Variants in CTNNA3 observed in about 807,000 individuals in gnomAD.
CTNNA3 encodes catenin alpha-3.
A neutral mutation model predicts 95.7 loss-of-function variants in CTNNA3; 76 were observed. That is an observed-to-expected ratio of 0.79 (90% CI 0.66 to 0.96). The LOEUF (loss-of-function observed/expected upper bound fraction) is 0.96. Among genes scored for constraint, CTNNA3 ranks in the 40% least tolerant of loss-of-function variants. The pLI is 0.00. For synonymous variants in CTNNA3, 431 were observed against 374.4 expected (o/e 1.15, Z -1.74); for missense variants, 1,191 against 1,089.8 (o/e 1.09, Z -1.31).
chr10:66,166,658 T>C (rs1470234722), intron 13 of CTNNA3, among the ~76,000 whole-genome samples: 1 of 152,132 alleles, frequency 6.6e-6, no homozygotes. Flanking sequence ...TTTTCGAAGT[T>C]TGCATCTCAT....
intron 7 of CTNNA3, among the ~76,000 whole-genome samples, chr10:66,943,920 C>A (rs1389553405): frequency 6.6e-6 from 1 of 152,170 alleles, no homozygotes; most frequent in Non-Finnish European, 1.5e-5. Flanking sequence ...TGCTCATGAT[C>A]ATCTGATCCT....
chr10:67,742,931 A>G (rs1478378382), intron 1 of CTNNA3, among the ~76,000 whole-genome samples: 3 of 151,420 alleles, frequency 2.0e-5, no homozygotes, highest in African/African-American at 7.3e-5. Flanking sequence ...CTACGCATAT[A>G]TCCTCCCAAG....
At chr10:67,673,664 T>G (rs1480813008) in intron 1 of CTNNA3, among the ~76,000 whole-genome samples, 1 of 149,624 alleles carries the variant, frequency 6.7e-6, no homozygotes, top group Non-Finnish European at 1.5e-5. Flanking sequence ...GGATTACATT[T>G]ATTGATTTGC....
At chr10:66,229,684 A>C (rs2089490673) in intron 13 of CTNNA3, among the ~76,000 whole-genome samples, 1 of 151,952 alleles carries the variant, frequency 6.6e-6, no homozygotes. Context: ...ATTTCAGTAT[A>C]GTTTGCCTCA....
At chr10:67,688,879 A>G (rs1840787246) in intron 1 of CTNNA3, among the ~76,000 whole-genome samples, 1 of 152,178 alleles carries the variant, frequency 6.6e-6, no homozygotes. Context: ...CCTGCTGATC[A>G]GAATAGTTGT....
chr10:67,210,677 G>A (rs775677591), intron 6 of CTNNA3, among the ~76,000 whole-genome samples: 39 of 151,278 alleles, frequency 2.6e-4, no homozygotes, highest in Admixed American at 7.9e-4. Flanking sequence ...AAAGATATGC[G>A]TCCTCTGTTG....
rs2087251667 is a variant in CTNNA3 at position 66,199,799 on chromosome 10, A to ATG, written c.1884+80670_1884+80671insCA. Among the ~76,000 whole-genome samples, 29 of 13,834 alleles carry ATG rather than the reference A, an allele frequency of 2.1e-3. 2 individuals carry two copies. The highest frequency in any genetic ancestry group is 2.5e-3 in the Non-Finnish European group (20 of 7,932). 9.1% of individuals were successfully genotyped at this position (13,834 alleles called of 152,430 possible). ...TATATATATATATATATATATATAT[A>ATG]TATATATTTTTTTTTTTTTTTTTTT... On this transcript the variant is annotated intron_variant, in intron 13 of 17. Coordinates refer to ENST00000433211, the MANE Select transcript of CTNNA3 (RefSeq NM_013266.4).
At chr10:66,849,979 A>G (rs978479392) in intron 7 of CTNNA3, among the ~76,000 whole-genome samples, 1 of 85,072 alleles carries the variant, frequency 1.2e-5, no homozygotes, top group Non-Finnish European at 2.6e-5. Context: ...ATATGAGAGC[A>G]TGTTTTTTTG....
intron 17 of CTNNA3, among the ~76,000 whole-genome samples, chr10:65,959,713 C>T (rs2077803486): frequency 6.6e-6 from 1 of 152,026 alleles, no homozygotes; most frequent in African/African-American, 2.4e-5. Flanking sequence ...ATGGGATTTG[C>T]CATGTTGCCC....
At chr10:66,301,581 A>G (rs1479682446) in intron 12 of CTNNA3, among the ~76,000 whole-genome samples, 2 of 152,106 alleles carry the variant, frequency 1.3e-5, no homozygotes, top group East Asian at 3.9e-4. Context: ...TTCAAAAATC[A>G]ATTACTATAA....
intron 1 of CTNNA3, among the ~76,000 whole-genome samples, chr10:67,713,642 G>A (rs574411988): frequency 9.2e-4 from 140 of 152,284 alleles, no homozygotes; most frequent in Middle Eastern, 6.8e-3. Context: ...GCAGGGACAT[G>A]GATGAAGCTG....
chr10:67,350,292 G>C (rs1177983254), intron 5 of CTNNA3, among the ~76,000 whole-genome samples: 1 of 151,952 alleles, frequency 6.6e-6, no homozygotes, highest in Non-Finnish European at 1.5e-5. Context: ...AACAAATGTT[G>C]GTATGAAGAA....
intron 1 of CTNNA3, among the ~76,000 whole-genome samples, chr10:67,753,288 G>A (rs1168730706): frequency 1.3e-5 from 2 of 151,912 alleles, no homozygotes; most frequent in Non-Finnish European, 2.9e-5. Flanking sequence ...ATTGAAACTG[G>A]GCCCTTTCTT....
At chr10:67,572,944 C>T (rs914916984) in intron 3 of CTNNA3, among the ~76,000 whole-genome samples, 2 of 152,026 alleles carry the variant, frequency 1.3e-5, no homozygotes, top group Non-Finnish European at 1.5e-5. Context: ...AAAAAGTTAG[C>T]TTGGCATGGT....
chr10:65,924,267 C>T (rs1247509738), intron 17 of CTNNA3, among the ~76,000 whole-genome samples: 6 of 152,132 alleles, frequency 3.9e-5, no homozygotes, highest in Admixed American at 1.3e-4. Context: ...TTAGCTTCCT[C>T]TTCTCAGCAC....
At chr10:67,038,498 T>G (rs1854202799) in intron 7 of CTNNA3, among the ~76,000 whole-genome samples, 2 of 152,114 alleles carry the variant, frequency 1.3e-5, no homozygotes, top group South Asian at 2.1e-4. Context: ...GGACAACTCA[T>G]TTATGAAAAT....
intron 2 of CTNNA3, among the ~76,000 whole-genome samples, chr10:67,641,345 A>G (rs942607043): frequency 9.2e-5 from 14 of 152,206 alleles, no homozygotes; most frequent in Non-Finnish European, 1.9e-4. Flanking sequence ...ATCATTAAAA[A>G]GTCAGGAAAA....
intron 9 of CTNNA3, among the ~76,000 whole-genome samples, chr10:66,633,737 T>A (rs184839611): frequency 4.6e-5 from 7 of 152,228 alleles, no homozygotes; most frequent in Admixed American, 4.6e-4. Flanking sequence ...ATGTCCACAG[T>A]GATAATTCCT....
Position 67,011,270 on chromosome 10 carries a change from G to A in CTNNA3, c.1047+169047C>T, listed in dbSNP as rs182485363. On this transcript the variant is annotated intron_variant, in intron 7 of 17. Transcript: ENST00000433211. ...GCAGGAGAATTGCTTGAACCCAGCA[G>A]ACGGAGGTTGCAGTGAGCCAAGATC... Among the ~76,000 whole-genome samples the A allele has an allele frequency of 2.0e-3, 301 of 151,236 alleles. 3 individuals are homozygous for A. The highest frequency in any genetic ancestry group is 7.0e-3 in the African/African-American group (290 of 41,186).
Sources: allele counts gnomAD v4.1 joint callset (sites outside exome capture counted in the v4.1 genomes callset), GRCh38; gene constraint gnomAD v4.1.1; transcripts MANE v1.5; gene names NCBI Gene and HGNC (gene_info 2026-07-23, HGNC 2026-07-21).